The following PTPRD variants were observed in gnomAD, a reference collection of about 807,000 sequenced individuals.
PTPRD encodes receptor-type tyrosine-protein phosphatase delta.
A neutral mutation model predicts 214.5 loss-of-function variants in PTPRD; 34 were observed. The ratio of observed to expected loss-of-function variants is 0.16; its 90% CI spans 0.12 to 0.21. The LOEUF (loss-of-function observed/expected upper bound fraction) is 0.21, where lower values mean the gene tolerates loss of function less well. Ranked by LOEUF, PTPRD falls within the 10% of genes least tolerant of loss-of-function variation. PTPRD has a pLI of 1.00. For missense variants in PTPRD, 2,545 were observed against 2,398.7 expected, an observed-to-expected ratio of 1.06 and a Z score of -1.27; for synonymous variants, 1,128 against 845.7, an observed-to-expected ratio of 1.33 and a Z score of -5.79.
chr9:10,219,249 T>C (rs1472851614), intron 3 of PTPRD, among the ~76,000 whole-genome samples: 3 of 151,874 alleles, frequency 2.0e-5, no homozygotes, highest in Non-Finnish European at 4.4e-5. Context: ...ATAGTTAAGG[T>C]AATTGAAGGA....
At chr9:9,139,098 C>CA (rs2099855865) in intron 10 of PTPRD, among the ~76,000 whole-genome samples, 1 of 151,740 alleles carries the variant, frequency 6.6e-6, no homozygotes, top group Admixed American at 6.6e-5. Context: ...AGGAGCCCCC[C>CA]TCCCCCCCGC....
chr9:9,963,481 A>C (rs970617063), intron 4 of PTPRD, among the ~76,000 whole-genome samples: 1 of 152,174 alleles, frequency 6.6e-6, no homozygotes, highest in African/African-American at 2.4e-5. Context: ...TTAATTACTT[A>C]AATGAAAATG....
At chr9:10,310,333 G>T (rs1450063252) in intron 3 of PTPRD, among the ~76,000 whole-genome samples, 3 of 151,862 alleles carry the variant, frequency 2.0e-5, no homozygotes, top group African/African-American at 7.3e-5. Flanking sequence ...ACCTTCTCTT[G>T]CCCCCTGCCA....
intron 9 of PTPRD, among the ~76,000 whole-genome samples, chr9:9,226,867 G>A (rs957200858): frequency 1.3e-5 from 2 of 152,012 alleles, no homozygotes; most frequent in African/African-American, 4.8e-5. Flanking sequence ...ATCATATGAA[G>A]ATATGGTCAT....
chr9:9,346,698 T>A (rs2048941139), intron 9 of PTPRD, among the ~76,000 whole-genome samples: 1 of 152,142 alleles, frequency 6.6e-6, no homozygotes, highest in East Asian at 1.9e-4. Flanking sequence ...CCTTAATTTT[T>A]TTTTTCTTTT....
Position 9,998,129 on chromosome 9 carries a change from A to AAAAAAAATATAT in PTPRD, c.-472+35588_-472+35589insATATATTTTTTT, listed in dbSNP as rs57991748. On this transcript the variant is annotated intron_variant, in intron 4 of 45. Transcript: ENST00000381196. ...TTAAAGTATAATAAAAAAAAAAAAA[A>AAAAAAAATATAT]ATATATATATATATATAAAAGAAGA... Among the ~76,000 whole-genome samples, 464 of 91,412 alleles carry AAAAAAAATATAT rather than the reference A, an allele frequency of 5.1e-3. 2 individuals are homozygous for AAAAAAAATATAT. The highest frequency in any genetic ancestry group is 5.8e-3 in the Non-Finnish European group (295 of 50,734). The allele number at this position is 91,412 out of a possible 152,430, so 60.0% of individuals were successfully genotyped here.
intron 2 of PTPRD, among the ~76,000 whole-genome samples, chr9:10,397,453 T>A (rs540209595): frequency 5.9e-5 from 9 of 151,982 alleles, no homozygotes; most frequent in Non-Finnish European, 1.3e-4. Flanking sequence ...CCTTTTGTTT[T>A]TGGAGAGGGA....
intron 11 of PTPRD, among the ~76,000 whole-genome samples, chr9:8,855,623 A>G (rs1369275465): frequency 6.6e-6 from 1 of 152,204 alleles, no homozygotes; most frequent in East Asian, 1.9e-4. Context: ...GATGATTTCT[A>G]TGCAAAGTAC....
At chr9:9,709,312 C>T (rs1461196860) in intron 7 of PTPRD, among the ~76,000 whole-genome samples, 1 of 151,774 alleles carries the variant, frequency 6.6e-6, no homozygotes, top group South Asian at 2.1e-4. Context: ...GTTAAGATAT[C>T]ATCAACTAAT....
chr9:9,613,296 C>G (rs1344256079), intron 7 of PTPRD, among the ~76,000 whole-genome samples: 1 of 151,546 alleles, frequency 6.6e-6, no homozygotes, highest in Non-Finnish European at 1.5e-5. Flanking sequence ...AATGATAAAT[C>G]TAAAAAACGT....
chr9:10,082,541 G>C (rs545239704), intron 3 of PTPRD, among the ~76,000 whole-genome samples: 2 of 152,108 alleles, frequency 1.3e-5, no homozygotes, highest in South Asian at 4.1e-4. Flanking sequence ...TTACAAGACA[G>C]AAAAAGAAAG....
At chr9:8,708,055 C>T (rs895610995) in intron 12 of PTPRD, among the ~76,000 whole-genome samples, 1 of 152,312 alleles carries the variant, frequency 6.6e-6, no homozygotes, top group African/African-American at 2.4e-5. Context: ...AACTGACTCA[C>T]TTTCCAAATG....
intron 2 of PTPRD, among the ~76,000 whole-genome samples, chr9:10,553,919 T>C (rs2061901271): frequency 8.5e-5 from 13 of 152,204 alleles, no homozygotes; most frequent in Admixed American, 8.5e-4. Context: ...ATTTACATTT[T>C]GGTAAACTCA....
chr9:10,018,538 C>CTTTTTTTT lies in PTPRD; in HGVS notation c.-472+15172_-472+15179dup, dbSNP rs71321214. Among the ~76,000 whole-genome samples, 301 of 71,104 alleles carry CTTTTTTTT rather than the reference C, an allele frequency of 4.2e-3. 78 individuals carry two copies. The highest frequency in any genetic ancestry group is 6.3e-3 in the East Asian group (13 of 2,080). The allele number at this position is 71,104 out of a possible 152,430, so 46.6% of individuals were successfully genotyped here. ...AATGATTTATTTAAGAATTACATTT[C>CTTTTTTTT]TTTTTTTTTTTTTTTTTTTTTTTTT... On this transcript the variant is annotated intron_variant, in intron 4 of 45. Coordinates refer to ENST00000381196, the MANE Select transcript of PTPRD (RefSeq NM_002839.4).
chr9:9,884,491 A>G (rs1459063750), intron 5 of PTPRD, among the ~76,000 whole-genome samples: 1 of 152,128 alleles, frequency 6.6e-6, no homozygotes, highest in African/African-American at 2.4e-5. Flanking sequence ...AAACTAAAGC[A>G]TGTGGCATAT....
At chr9:9,467,106 A>G (rs2094216619) in intron 8 of PTPRD, among the ~76,000 whole-genome samples, 1 of 151,972 alleles carries the variant, frequency 6.6e-6, no homozygotes, top group South Asian at 2.1e-4. Flanking sequence ...ACATTTCCAA[A>G]CAGTTGTTAC....
intron 11 of PTPRD, among the ~76,000 whole-genome samples, chr9:8,949,772 G>A (rs2099091788): frequency 6.6e-6 from 1 of 152,116 alleles, no homozygotes; most frequent in Non-Finnish European, 1.5e-5. Context: ...AACATTGTGG[G>A]ATTGTTGTCT....
rs1565272219 is a variant in PTPRD at position 10,320,456 on chromosome 9, A to G, written c.-545+20507T>C. On this transcript the variant is annotated intron_variant, in intron 3 of 45. Coordinates refer to ENST00000381196, the MANE Select transcript of PTPRD (RefSeq NM_002839.4). ...ATAAAGCATCATTATTTTTTAGTCA[A>G]CTGCTTTGTCATGTGCTTGGTAGGC... 7.9e-5 allele frequency among the ~76,000 whole-genome samples: 12 copies of G among 152,174 alleles called. 1 individual carries two copies. In the South Asian group the frequency reaches 2.5e-3, roughly 32 times the overall value.
At chr9:10,232,401 T>C (rs2099614651) in intron 3 of PTPRD, among the ~76,000 whole-genome samples, 1 of 151,950 alleles carries the variant, frequency 6.6e-6, no homozygotes, top group African/African-American at 2.4e-5. Flanking sequence ...TCTGGATGTT[T>C]CCCACTTCCC....
Sources: allele counts gnomAD v4.1 joint callset (sites outside exome capture counted in the v4.1 genomes callset), GRCh38; gene constraint gnomAD v4.1.1; transcripts MANE v1.5; gene names NCBI Gene and HGNC (gene_info 2026-07-23, HGNC 2026-07-21).